The following PRSS12 variants were observed in gnomAD, a reference collection of about 807,000 sequenced individuals.
PRSS12 encodes the protein neurotrypsin.
In PRSS12, 85 loss-of-function variants were observed where a neutral mutation model predicts 104.4. The observed-to-expected ratio is 0.81, with a 90% CI of 0.68 to 0.98. PRSS12 has a LOEUF of 0.98. Among genes scored for constraint, PRSS12 ranks in the 50% least tolerant of loss-of-function variants. The pLI is 0.00. For missense variants in PRSS12, 1,141 were observed against 1,139.2 expected, an observed-to-expected ratio of 1.00 and a Z score of -0.02; for synonymous variants, 454 against 425.2, an observed-to-expected ratio of 1.07 and a Z score of -0.83.
chr4:118,283,124 G>A lies in PRSS12; in HGVS notation c.2040-13C>T. On this transcript the variant is annotated splice_polypyrimidine_tract_variant and intron_variant, in intron 11 of 12. Transcript: ENST00000296498. The stretch of plus-strand genomic sequence containing the variant: ...GCTGTTGCCATACCTGAGAGGCAGA[G>A]AGTACTAATGAGAGACTTGCTTCAG... 6.2e-7 allele frequency: 1 copy of A among 1,613,686 alleles called. No homozygotes were observed. Among genetic ancestry groups the A allele is most frequent in the Non-Finnish European group, 8.5e-7 (1 of 1,179,604 alleles).
chr4:118,282,697 A>T, intron 12 of PRSS12, 134 bp downstream of exon 12: 1 of 1,184,736 alleles, frequency 8.4e-7, no homozygotes, highest in Non-Finnish European at 1.2e-6. Context: ...AATTACATGC[A>T]TGCATTTCAC....
At chr4:118,346,870 T>G (rs1724368484) in intron 1 of PRSS12, among the ~76,000 whole-genome samples, 1 of 152,080 alleles carries the variant, frequency 6.6e-6, no homozygotes, top group South Asian at 2.1e-4. Flanking sequence ...ATCCCCCAGG[T>G]CCACGGAAAA....
chr4:118,317,843 A>G (rs1284989422), intron 5 of PRSS12, among the ~76,000 whole-genome samples: 4 of 152,172 alleles, frequency 2.6e-5, no homozygotes, highest in Non-Finnish European at 4.4e-5. Context: ...CTAAACATGT[A>G]AGTACATACA....
chr4:118,327,821 T>C (rs1424087293), intron 4 of PRSS12, among the ~76,000 whole-genome samples: 2 of 152,208 alleles, frequency 1.3e-5, no homozygotes, highest in Non-Finnish European at 2.9e-5. Context: ...TCTTTCTCCA[T>C]GTTCTGGGTT....
chr4:118,328,424 C>T (rs2126039348), intron 4 of PRSS12, among the ~76,000 whole-genome samples: 1 of 152,288 alleles, frequency 6.6e-6, no homozygotes, highest in South Asian at 2.1e-4. Context: ...CTTTACTTAA[C>T]CCATGAGTGT....
intron 8 of PRSS12, among the ~76,000 whole-genome samples, chr4:118,306,349 G>C (rs904586854): frequency 9.9e-5 from 15 of 152,188 alleles, no homozygotes; most frequent in Admixed American, 5.9e-4. Flanking sequence ...TTGCCATAAA[G>C]AAATACCTGT....
intron 4 of PRSS12, among the ~76,000 whole-genome samples, chr4:118,324,745 C>T (rs1723723491): frequency 6.6e-6 from 1 of 152,050 alleles, no homozygotes. Flanking sequence ...AAGACAGAGT[C>T]TCTGTCGCAC....
chr4:118,332,593 A>T (rs1723956896), intron 3 of PRSS12, among the ~76,000 whole-genome samples: 1 of 152,096 alleles, frequency 6.6e-6, no homozygotes, highest in Non-Finnish European at 1.5e-5. Context: ...TCCTGAGAGT[A>T]TTTACTTTTA....
intron 1 of PRSS12, among the ~76,000 whole-genome samples, chr4:118,344,847 A>C (rs1391337952): frequency 3.9e-5 from 6 of 152,232 alleles, no homozygotes; most frequent in Non-Finnish European, 8.8e-5. Context: ...GTAGGCTAAC[A>C]ATACATGCAT....
At chr4:118,350,791 C>T (rs780192630) in intron 1 of PRSS12, among the ~76,000 whole-genome samples, 2 of 152,142 alleles carry the variant, frequency 1.3e-5, no homozygotes, top group African/African-American at 2.4e-5. Context: ...CTTTAAATTA[C>T]TTTTCTTGAG....
intron 8 of PRSS12, among the ~76,000 whole-genome samples, chr4:118,305,791 G>A (rs1196113899): frequency 6.6e-6 from 1 of 152,058 alleles, no homozygotes; most frequent in Admixed American, 6.6e-5. Flanking sequence ...TATACCCATT[G>A]AAAAATAATT....
intron 11 of PRSS12, among the ~76,000 whole-genome samples, chr4:118,291,953 TG>T (rs1240297351): frequency 1.3e-5 from 2 of 152,128 alleles, no homozygotes; most frequent in Admixed American, 1.3e-4. Context: ...CAAGATATTT[TG>T]CCAGGTGAGG....
At chr4:118,289,508 T>C (rs553697187) in intron 11 of PRSS12, among the ~76,000 whole-genome samples, 46 of 152,322 alleles carry the variant, frequency 3.0e-4, no homozygotes, top group African/African-American at 1.0e-3. Context: ...TCACCTGGCA[T>C]CTAAAAGGAC....
chr4:118,301,001 T>C (rs1454826017), intron 8 of PRSS12, among the ~76,000 whole-genome samples: 1 of 152,048 alleles, frequency 6.6e-6, no homozygotes, highest in Non-Finnish European at 1.5e-5. Flanking sequence ...CTTAGATTTC[T>C]TCCTAGAAGT....
chr4:118,305,814 C>A (rs1340929469), intron 8 of PRSS12: 2 of 152,112 alleles, frequency 1.3e-5, no homozygotes, highest in Non-Finnish European at 2.9e-5. Context: ...CCATTTTCTT[C>A]TCCTCCCAAC....
At position 118,295,059 on chromosome 4, in the gene PRSS12, C is replaced by T. The variant is rs542351163; in HGVS notation, c.1919G>A (p.Gly640Asp). The stretch of plus-strand genomic sequence containing the variant: ...GAGGGAAACCTGCCAAGGCCAACCA[C>T]CCCTAAGAAGAAAATGAGCTACACA... ...RIIGGKNSLR[G>D]GWPWQVSLRL... Residue 640 changes from glycine (G) to aspartate (D), a missense_variant and splice_region_variant, in exon 11 of 13, where the codon GGT (glycine) becomes GAT (aspartate). By Grantham distance (94) the Gly-to-Asp change is moderately conservative. Coordinates refer to ENST00000296498, the MANE Select transcript of PRSS12 (RefSeq NM_003619.4). 13 of 1,613,876 alleles carry T rather than the reference C, an allele frequency of 8.1e-6. No individual in the cohort carries two copies. The highest frequency in any genetic ancestry group is 2.2e-5 in the South Asian group (2 of 91,084).
chr4:118,319,913 C>G (rs1452149433), intron 4 of PRSS12, among the ~76,000 whole-genome samples: 1 of 152,094 alleles, frequency 6.6e-6, no homozygotes, highest in Non-Finnish European at 1.5e-5. Flanking sequence ...TGCACTCAAG[C>G]AATCTTCCCA....
intron 4 of PRSS12, among the ~76,000 whole-genome samples, chr4:118,327,593 C>A (rs191479306): frequency 5.3e-5 from 8 of 152,154 alleles, no homozygotes; most frequent in Admixed American, 2.6e-4. Context: ...TTTTTAAATT[C>A]CCAAGTAAAT....
chr4:118,352,499 G>A lies in PRSS12; in HGVS notation c.222C>T (p.Ala74=). The change falls in exon 1 of 13, where the codon GCC becomes GCT. Residue 74 remains alanine, a synonymous_variant. Coordinates refer to ENST00000296498, the MANE Select transcript of PRSS12 (RefSeq NM_003619.4). ...CGGCCTGGAGGGCGTGCGGGCGCTG[G>A]GCAGGGAGCGCCCGCGGGGGGCGCG... ...RFPRPPRALP[A]QRPHALQAGH... The A allele has an allele frequency of 7.0e-7, 1 of 1,432,492 alleles. No individual in the cohort carries two copies. The highest frequency in any genetic ancestry group is 9.1e-7 in the Non-Finnish European group (1 of 1,093,190). The allele number at this position is 1,432,492 out of a possible 1,614,324, so 88.7% of individuals were successfully genotyped here. A position where few individuals can be genotyped will look rare whatever the true frequency, so the allele number is the denominator to read the frequency against.
Sources: allele counts gnomAD v4.1 joint callset (sites outside exome capture counted in the v4.1 genomes callset), GRCh38; gene constraint gnomAD v4.1.1; transcripts MANE v1.5; gene names NCBI Gene and HGNC (gene_info 2026-07-23, HGNC 2026-07-21).